Variants in CHRDL1 observed in about 807,000 individuals in gnomAD.
CHRDL1 encodes chordin like 1.
Under a neutral mutation model 40.9 loss-of-function variants are expected in CHRDL1, and 19 were observed. The observed-to-expected ratio is 0.46, with a 90% CI of 0.32 to 0.68. CHRDL1 has a LOEUF of 0.68. Ranked by LOEUF, CHRDL1 falls within the 30% of genes least tolerant of loss-of-function variation. CHRDL1 has a pLI of 0.03. For synonymous variants in CHRDL1, 136 were observed against 123.4 expected, an observed-to-expected ratio of 1.10 and a Z score of -0.68; for missense variants, 329 against 352.1, an observed-to-expected ratio of 0.93 and a Z score of 0.53.
chrX:110,685,509 C>T (rs755522369), intron 9 of CHRDL1, among the ~76,000 whole-genome samples: 1 of 111,541 alleles, frequency 9.0e-6, no homozygotes, highest in Non-Finnish European at 1.9e-5. Flanking sequence ...GCAATCTGTC[C>T]GCCTCGGACT....
At chrX:110,678,541 T>TA (rs1017275888) in intron 11 of CHRDL1, among the ~76,000 whole-genome samples, 3 of 111,122 alleles carry the variant, frequency 2.7e-5, no homozygotes, top group African/African-American at 9.8e-5. Context: ...TGCCCAGTCA[T>TA]ACCCTTCTCT....
intron 8 of CHRDL1, among the ~76,000 whole-genome samples, chrX:110,691,690 T>C (rs1434347819): frequency 8.9e-6 from 1 of 111,850 alleles, no homozygotes; most frequent in Non-Finnish European, 1.9e-5. Flanking sequence ...CTGAGTCACA[T>C]TAAGAAATAA....
intron 4 of CHRDL1, among the ~76,000 whole-genome samples, chrX:110,746,902 G>T (rs2089265245): frequency 9.0e-6 from 1 of 111,573 alleles, no homozygotes; most frequent in Non-Finnish European, 1.9e-5. Context: ...CACTGTCAAT[G>T]CAAACTTTAA....
intron 6 of CHRDL1, among the ~76,000 whole-genome samples, chrX:110,718,141 T>A (rs1272134171): frequency 9.0e-6 from 1 of 111,669 alleles, no homozygotes; most frequent in African/African-American, 3.3e-5. Context: ...GGTAGAAAGG[T>A]TGAATAAGGT....
intron 9 of CHRDL1, among the ~76,000 whole-genome samples, chrX:110,687,800 C>G (rs1334473507): frequency 9.0e-6 from 1 of 111,389 alleles, no homozygotes; most frequent in Admixed American, 9.6e-5. Flanking sequence ...ATTACCCATC[C>G]TATATTCTGT....
intron 4 of CHRDL1, among the ~76,000 whole-genome samples, chrX:110,748,557 G>T (rs1345557858): frequency 1.8e-5 from 2 of 111,898 alleles, no homozygotes; most frequent in Non-Finnish European, 3.8e-5. Context: ...AATGTGTTCT[G>T]AAAAGCAACA....
intron 2 of CHRDL1, among the ~76,000 whole-genome samples, chrX:110,776,723 G>T (rs2089858998): frequency 1.8e-5 from 2 of 109,949 alleles, no homozygotes; most frequent in Non-Finnish European, 3.8e-5. Flanking sequence ...TTGGGAGGAA[G>T]GTACAGAGAT....
chrX:110,787,274 A>C (rs1364388083), intron 2 of CHRDL1, among the ~76,000 whole-genome samples: 1 of 111,251 alleles, frequency 9.0e-6, no homozygotes, highest in South Asian at 3.9e-4. Flanking sequence ...CACTGTACTG[A>C]TAAGAAAACG....
At chrX:110,791,772 C>A (rs1280071978) in intron 2 of CHRDL1, among the ~76,000 whole-genome samples, 5 of 111,511 alleles carry the variant, frequency 4.5e-5, no homozygotes, top group Non-Finnish European at 9.4e-5. Context: ...GCTCATCTGT[C>A]AGATATTTCT....
chrX:110,759,112 T>G (rs16986149), intron 4 of CHRDL1, among the ~76,000 whole-genome samples: 2,793 of 111,871 alleles, frequency 0.025, 87 homozygotes, highest in African/African-American at 0.085. Flanking sequence ...GTGTGAAAAA[T>G]TCTCTGCCTG....
At chrX:110,762,945 A>T in intron 2 of CHRDL1, 138 bp from the exon 3 acceptor site, 1 of 473,704 alleles carries the variant, frequency 2.1e-6, no homozygotes, top group East Asian at 3.9e-5. Flanking sequence ...AATTCCTATT[A>T]GGGGATTAGT....
intron 7 of CHRDL1, among the ~76,000 whole-genome samples, chrX:110,694,749 GAGAA>G (rs755859369): frequency 8.9e-5 from 10 of 112,339 alleles, no homozygotes; most frequent in African/African-American, 3.2e-4. Flanking sequence ...AAATCAGAAG[GAGAA>G]AGAGAGAGCT....
chrX:110,679,248 G>A, intron 11 of CHRDL1, 88 bp downstream of exon 11: 1 of 632,357 alleles, frequency 1.6e-6, no homozygotes, highest in Non-Finnish European at 2.7e-6. Context: ...AATGTTCACT[G>A]AGATTGCGGA....
intron 2 of CHRDL1, among the ~76,000 whole-genome samples, chrX:110,785,879 T>C (rs1476248217): frequency 8.9e-6 from 1 of 112,427 alleles, no homozygotes; most frequent in Non-Finnish European, 1.9e-5. Context: ...CTATTTAACA[T>C]TTCCATGTTC....
At chrX:110,755,434 A>G (rs1042130151) in intron 4 of CHRDL1, among the ~76,000 whole-genome samples, 1 of 111,758 alleles carries the variant, frequency 8.9e-6, no homozygotes, top group Admixed American at 9.5e-5. Context: ...GCTCCTTGGA[A>G]ATTTTAGGGG....
At chrX:110,690,166 C>T (rs1448403123) in intron 8 of CHRDL1, among the ~76,000 whole-genome samples, 2 of 101,966 alleles carry the variant, frequency 2.0e-5, no homozygotes, top group Admixed American at 1.2e-4. Flanking sequence ...CTGCCTCAGC[C>T]TCCAGAGTAG....
chrX:110,699,010 A>G (rs1460478945), intron 7 of CHRDL1, among the ~76,000 whole-genome samples: 6 of 112,122 alleles, frequency 5.4e-5, no homozygotes, highest in African/African-American at 1.6e-4. Context: ...CTCACTTACT[A>G]TAAAGCAGAT....
At chrX:110,693,703 G>T (rs2070326405) in intron 8 of CHRDL1, among the ~76,000 whole-genome samples, 1 of 111,128 alleles carries the variant, frequency 9.0e-6, no homozygotes, top group African/African-American at 3.3e-5. Flanking sequence ...GAATCTGAGT[G>T]TGGGGCTAGG....
At chrX:110,780,016 T>A (rs1393025239) in intron 2 of CHRDL1, among the ~76,000 whole-genome samples, 1 of 111,738 alleles carries the variant, frequency 8.9e-6, no homozygotes, top group Non-Finnish European at 1.9e-5. Flanking sequence ...GACTTTTATA[T>A]TAACTTTGTA....
Sources: allele counts gnomAD v4.1 joint callset (sites outside exome capture counted in the v4.1 genomes callset), GRCh38; gene constraint gnomAD v4.1.1; transcripts MANE v1.5; gene names NCBI Gene and HGNC (gene_info 2026-07-23, HGNC 2026-07-21).